Variants in CELF2 observed in about 807,000 individuals in gnomAD.
CELF2 encodes CUG triplet repeat RNA-binding protein 2.
In CELF2, 8 loss-of-function variants were observed where a neutral mutation model predicts 62.6. That is an observed-to-expected ratio of 0.13 (90% CI 0.07 to 0.23). The LOEUF is 0.23. Among genes scored for constraint, CELF2 ranks in the 10% least tolerant of loss-of-function variants. CELF2 has a pLI of 1.00. For missense variants in CELF2, 333 were observed against 671.0 expected (o/e 0.50, Z 5.56); for synonymous variants, 258 against 250.0 (o/e 1.03, Z -0.30).
In CELF2 at chr10:11,011,046, T is replaced by A. The variant is rs143596930; in HGVS notation, c.53+5606T>A. On this transcript the variant is annotated intron_variant, in intron 1 of 12. Coordinates refer to the CELF2 transcript ENST00000416382. The surrounding 1 kb of genome is among the most constrained non-coding windows in gnomAD (Gnocchi z 4.6). The stretch of plus-strand genomic sequence containing the variant: ...TCTAACAACTCTCTCTTCTGTACCC[T>A]CATTTGTTCACCTTACAGCTGAGGA... 1 of 152,352 alleles carries A rather than the reference T, an allele frequency of 6.6e-6. No individual in the cohort carries two copies. The highest frequency in any genetic ancestry group is 1.9e-4 in the East Asian group (1 of 5,186). The allele number at this position is 152,352 out of a possible 1,614,324, so 9.4% of individuals were successfully genotyped here. A position where few individuals can be genotyped will look rare whatever the true frequency, so the allele number is the denominator to read the frequency against.
Position 11,197,216 on chromosome 10 carries a change from A to T in CELF2, c.272-20209A>T, listed in dbSNP as rs140568196. 8.9e-4 allele frequency among the ~76,000 whole-genome samples: 135 copies of T among 152,154 alleles called. 6 individuals are homozygous for T. In the South Asian group the frequency reaches 0.028, roughly 31 times the overall value. ...AAGAAATCTCTGGTTGAACGTGGTC[A>T]GTGACTTGCTTCAGCTGGGAGACTT... is the stretch of plus-strand genomic sequence containing the variant. On this transcript the variant is annotated intron_variant, in intron 2 of 12. Transcript: ENST00000633077.
rs148677574 is a variant in CELF2, at chr10:11,166,595, C to CGA, written c.271+913_271+914insGA. Reference sequence around the variant, plus strand: ...CTCTGTTGTTGATCTCTCAGTCTCTCTACTGAGGAGTCCTCTCTGTTGTTC... The same window carrying CGA: ...CTCTGTTGTTGATCTCTCAGTCTCTCGATACTGAGGAGTCCTCTCTGTTGTTC... On this transcript the variant is annotated intron_variant, in intron 2 of 12. Transcript: ENST00000633077. Among the ~76,000 whole-genome samples the CGA allele has an allele frequency of 8.5e-5, 13 of 152,328 alleles. No individual in the cohort carries two copies. In the East Asian group the frequency reaches 2.3e-3, roughly 27 times the overall value.
At chr10:10,860,988 A>G (rs923874340) in intron 1 of CELF2, among the ~76,000 whole-genome samples, 4 of 152,096 alleles carry the variant, frequency 2.6e-5, no homozygotes, top group African/African-American at 9.7e-5. Flanking sequence ...GTGGCTCATC[A>G]TTGCACACTA....
intron 1 of CELF2, among the ~76,000 whole-genome samples, chr10:11,068,088 G>A (rs1297373364): frequency 6.6e-6 from 1 of 152,194 alleles, no homozygotes; most frequent in Non-Finnish European, 1.5e-5. Context: ...ACATAGTGTG[G>A]AGATAGAACC....
In CELF2 at chr10:10,990,957, A is replaced by G. The variant is rs1358091709; in HGVS notation, c.89+70958A>G. On this transcript the variant is annotated intron_variant, in intron 2 of 13. Coordinates refer to the CELF2 transcript ENST00000636488. The surrounding 1 kb of genome is among the most constrained non-coding windows in gnomAD (Gnocchi z 4.6). ...TTCCAGTGCTTACAGCATCTTTTTG[A>G]GGTTCTTTTGCGTGTGTGTGTGTGT... Among the ~76,000 whole-genome samples the G allele has an allele frequency of 6.6e-6, 1 of 150,976 alleles. No individual in the cohort carries two copies. Among genetic ancestry groups the G allele is most frequent in the Non-Finnish European group, 1.5e-5 (1 of 67,842 alleles).
At chr10:11,238,671 G>A (rs1271771823) in intron 3 of CELF2, among the ~76,000 whole-genome samples, 1 of 152,060 alleles carries the variant, frequency 6.6e-6, no homozygotes, top group Non-Finnish European at 1.5e-5. Flanking sequence ...ACATCTAATG[G>A]GAAGGTTAAA....
At chr10:11,279,445 A>C (rs2087432949) in intron 8 of CELF2, among the ~76,000 whole-genome samples, 1 of 152,116 alleles carries the variant, frequency 6.6e-6, no homozygotes, top group Non-Finnish European at 1.5e-5. Flanking sequence ...GAGAATGTCG[A>C]ATTGGAGGCG....
chr10:10,927,984 T>C (rs979958222), intron 2 of CELF2, among the ~76,000 whole-genome samples: 6 of 152,166 alleles, frequency 3.9e-5, no homozygotes, highest in South Asian at 2.1e-4. Context: ...GCTGCTTTCA[T>C]CTACCTCTGC....
chr10:10,491,410 G>A, the CELF2 span, among the ~76,000 whole-genome samples: 1 of 152,110 alleles, frequency 6.6e-6, no homozygotes, highest in Admixed American at 6.5e-5. Flanking sequence ...TTCATTTGGT[G>A]CTCTTTGCCT....
rs145990453 is a variant in CELF2 at position 11,288,950 on chromosome 10, C to T, written c.976+398C>T. Among the ~76,000 whole-genome samples the T allele has an allele frequency of 5.9e-3, 904 of 152,270 alleles. 16 individuals carry two copies. The highest frequency in any genetic ancestry group is 0.029 in the East Asian group (151 of 5,184). On this transcript the variant is annotated intron_variant, in intron 9 of 12. Coordinates refer to ENST00000633077, the MANE Select transcript of CELF2 (RefSeq NM_001326342.2). The stretch of plus-strand genomic sequence containing the variant: ...TTCTGTTTCAAAATTCCTAGTCATT[C>T]CCATGTCACATTTCACAGCAACTCC...
At chr10:10,999,369 C>G (rs2054290997) in intron 2 of CELF2, among the ~76,000 whole-genome samples, 1 of 152,186 alleles carries the variant, frequency 6.6e-6, no homozygotes. Context: ...AGATAACAAA[C>G]AAGTTAATAA....
At chr10:10,895,043 T>A (rs1305716712) in intron 1 of CELF2, among the ~76,000 whole-genome samples, 1 of 152,142 alleles carries the variant, frequency 6.6e-6, no homozygotes, top group African/African-American at 2.4e-5. Context: ...TCACATTAAA[T>A]CCTTACAAGA....
Position 10,985,985 on chromosome 10 carries a change from G to A in CELF2, c.89+65986G>A, listed in dbSNP as rs572133050. Among the ~76,000 whole-genome samples, 8 of 152,202 alleles carry A rather than the reference G, an allele frequency of 5.3e-5. No homozygotes were observed. The East Asian group carries it at 7.7e-4, about 15-fold the overall frequency. ...TGAAGACCTACTGTATAGAAATGCC[G>A]GTTAAAATAGTTACATGTTGAGATG... On this transcript the variant is annotated intron_variant, in intron 2 of 13. Transcript: ENST00000636488.
intron 1 of CELF2, among the ~76,000 whole-genome samples, chr10:10,845,214 G>A (rs1471638113): frequency 6.6e-6 from 1 of 151,734 alleles, no homozygotes; most frequent in Non-Finnish European, 1.5e-5. Flanking sequence ...CTTATTCTTC[G>A]AGGGCCTCAA....
intron 1 of CELF2, among the ~76,000 whole-genome samples, chr10:11,087,526 G>A (rs910247859): frequency 8.5e-5 from 13 of 152,174 alleles, no homozygotes; most frequent in Admixed American, 4.6e-4. Context: ...GTAGAACATG[G>A]CACTGTTATC....
chr10:10,658,029 T>A, the CELF2 span, among the ~76,000 whole-genome samples: 1 of 152,234 alleles, frequency 6.6e-6, no homozygotes, highest in South Asian at 2.1e-4. Flanking sequence ...CATGCCACTA[T>A]GAAACAGAGA....
At chr10:10,784,872 A>G in the CELF2 span, among the ~76,000 whole-genome samples, 1 of 152,184 alleles carries the variant, frequency 6.6e-6, no homozygotes, top group African/African-American at 2.4e-5. Flanking sequence ...CATCACCTGT[A>G]CAGGTGGCTG....
At chr10:10,595,697 T>C in the CELF2 span, among the ~76,000 whole-genome samples, 2 of 152,014 alleles carry the variant, frequency 1.3e-5, no homozygotes, top group Non-Finnish European at 2.9e-5. Flanking sequence ...TGTTTGCAAT[T>C]AAAAGTAGGT....
intron 3 of CELF2, among the ~76,000 whole-genome samples, chr10:11,236,399 G>A (rs913076743): frequency 2.0e-5 from 3 of 152,228 alleles, no homozygotes; most frequent in Non-Finnish European, 4.4e-5. Context: ...CATTGAAGCT[G>A]CCTGGAGTGG....
Sources: allele counts gnomAD v4.1 joint callset (sites outside exome capture counted in the v4.1 genomes callset), GRCh38; gene constraint gnomAD v4.1.1; non-coding constraint Gnocchi (gnomAD v3.1); transcripts MANE v1.5; gene names NCBI Gene and HGNC (gene_info 2026-07-23, HGNC 2026-07-21).